Variants in PDE3B observed in about 807,000 individuals in gnomAD.
The protein encoded by PDE3B is phosphodiesterase 3B, also known as cGMP-inhibited 3',5'-cyclic phosphodiesterase 3B.
A neutral mutation model predicts 116.8 loss-of-function variants in PDE3B; 66 were observed. The observed-to-expected ratio is 0.56, with a 90% CI of 0.46 to 0.69. The LOEUF (loss-of-function observed/expected upper bound fraction) is 0.69. PDE3B is among the 30% of genes least tolerant of loss of function. The pLI is 0.00. For synonymous variants in PDE3B, 595 were observed against 533.6 expected (o/e 1.12, Z -1.59); for missense variants, 1,384 against 1,368.1 (o/e 1.01, Z -0.18).
intron 7 of PDE3B, among the ~76,000 whole-genome samples, chr11:14,829,606 C>T (rs1028858384): frequency 7.9e-5 from 12 of 151,918 alleles, no homozygotes; most frequent in Admixed American, 6.6e-5. Flanking sequence ...AACAGAAAAC[C>T]AAATACTGTC....
intron 1 of PDE3B, among the ~76,000 whole-genome samples, chr11:14,739,782 C>A (rs998703854): frequency 1.3e-5 from 2 of 152,054 alleles, no homozygotes; most frequent in African/African-American, 4.8e-5. Context: ...GTTCCATCGA[C>A]ACCTAGCTCA....
chr11:14,649,666 G>T (rs1360039546), intron 1 of PDE3B, among the ~76,000 whole-genome samples: 1 of 152,180 alleles, frequency 6.6e-6, no homozygotes, highest in Non-Finnish European at 1.5e-5. Flanking sequence ...AAATCCTATA[G>T]TTTGTAATGA....
chr11:14,864,849 G>A (rs1271927089), intron 14 of PDE3B, among the ~76,000 whole-genome samples: 1 of 152,084 alleles, frequency 6.6e-6, no homozygotes, highest in Non-Finnish European at 1.5e-5. Context: ...GTGTTTAGAG[G>A]GAAATTTATA....
the PDE3B span, chr11:14,878,231 A>G: frequency 1.9e-6 from 3 of 1,613,260 alleles, no homozygotes; most frequent in Admixed American, 3.3e-5. Context: ...AAACCTCTGA[A>G]GCAATGCTGT....
At chr11:14,824,952 C>T (rs1374668418) in intron 7 of PDE3B, among the ~76,000 whole-genome samples, 7 of 151,774 alleles carry the variant, frequency 4.6e-5, no homozygotes, top group African/African-American at 1.7e-4. Context: ...CCCTACAAGC[C>T]AGAAGAGCCT....
Position 14,858,866 on chromosome 11 carries a change from T to C in PDE3B, c.2521-177T>C, listed in dbSNP as rs185386076. The stretch of plus-strand genomic sequence containing the variant: ...AAGGTGTATCTTAACCTCTTTGTAC[T>C]TCAGTCTACTCATTTATAAAATTAT... On this transcript the variant is annotated intron_variant, in intron 12 of 15. Coordinates refer to ENST00000282096, the MANE Select transcript of PDE3B (RefSeq NM_000922.4). Among the ~76,000 whole-genome samples the C allele has an allele frequency of 1.1e-4, 17 of 152,330 alleles. No homozygotes were observed. The East Asian group carries it at 1.7e-3, about 16-fold the overall frequency.
chr11:14,708,980 T>A (rs141323812), intron 1 of PDE3B, among the ~76,000 whole-genome samples: 4 of 152,180 alleles, frequency 2.6e-5, no homozygotes, highest in Non-Finnish European at 5.9e-5. Context: ...AAAAATAATT[T>A]CAAAATGTAG....
Position 14,666,852 on chromosome 11 carries a change from C to T in PDE3B, c.978+21799C>T, listed in dbSNP as rs867333739. Among the ~76,000 whole-genome samples, 759 of 152,226 alleles carry T rather than the reference C, an allele frequency of 5.0e-3. 9 individuals carry two copies. Among genetic ancestry groups the T allele is most frequent in the African/African-American group, 0.018 (737 of 41,518 alleles). The stretch of plus-strand genomic sequence containing the variant: ...CTGTTGGTGGGACTGTAAACTAGTT[C>T]GACCATTGTGGAAGACAGTGTGGCA... On this transcript the variant is annotated intron_variant, in intron 1 of 15. Coordinates refer to ENST00000282096, the MANE Select transcript of PDE3B (RefSeq NM_000922.4).
At chr11:14,695,520 T>A (rs1173442229) in intron 1 of PDE3B, among the ~76,000 whole-genome samples, 1 of 152,050 alleles carries the variant, frequency 6.6e-6, no homozygotes, top group African/African-American at 2.4e-5. Context: ...AAAATAATTA[T>A]TTTATTTTTT....
At chr11:14,735,320 C>T (rs888940555) in intron 1 of PDE3B, among the ~76,000 whole-genome samples, 1 of 152,076 alleles carries the variant, frequency 6.6e-6, no homozygotes, top group South Asian at 2.1e-4. Context: ...AGAAATAAAA[C>T]CTTTGAATCT....
intron 1 of PDE3B, among the ~76,000 whole-genome samples, chr11:14,734,681 GTTA>G (rs1856549611): frequency 6.6e-6 from 1 of 152,058 alleles, no homozygotes; most frequent in Admixed American, 6.5e-5. Flanking sequence ...TTTTAAATGA[GTTA>G]TTATGAAAAA....
chr11:14,705,473 CTT>C (rs1855503161), intron 1 of PDE3B, among the ~76,000 whole-genome samples: 7 of 151,776 alleles, frequency 4.6e-5, no homozygotes, highest in African/African-American at 1.7e-4. Flanking sequence ...AGATCAGTGA[CTT>C]GGGGTAGTGG....
intron 12 of PDE3B, among the ~76,000 whole-genome samples, chr11:14,847,047 G>T (rs1303106876): frequency 6.6e-6 from 1 of 152,072 alleles, no homozygotes; most frequent in Admixed American, 6.6e-5. Context: ...ATTTTTTTCA[G>T]CACCAGACCA....
chr11:14,819,196 C>T lies in PDE3B; in HGVS notation c.1794C>T (p.Cys598=), dbSNP rs1250103383. Reference sequence around the variant, plus strand: ...CTGAATCAGATGGTACAGATTGCTGCAGTGGAAAATCAGGTGAGATTACAA... The same window carrying T: ...CTGAATCAGATGGTACAGATTGCTGTAGTGGAAAATCAGGTGAGATTACAA... The part of the protein sequence containing the change: ...STSESDGTDC[C]SGKSGEEENI... Residue 598 remains cysteine (C), a synonymous_variant, in exon 7 of 16, where the codon TGC becomes TGT. Coordinates refer to ENST00000282096, the MANE Select transcript of PDE3B (RefSeq NM_000922.4). The T allele has an allele frequency of 1.3e-6, 2 of 1,585,258 alleles. No homozygotes were observed. Among genetic ancestry groups the T allele is most frequent in the Non-Finnish European group, 1.7e-6 (2 of 1,160,106 alleles).
At chr11:14,665,957 A>T (rs1423712590) in intron 1 of PDE3B, among the ~76,000 whole-genome samples, 1 of 152,202 alleles carries the variant, frequency 6.6e-6, no homozygotes, top group Non-Finnish European at 1.5e-5. Flanking sequence ...GGAATGAAAA[A>T]AGAGCCCGCA....
intron 1 of PDE3B, among the ~76,000 whole-genome samples, chr11:14,733,392 A>G (rs1191889209): frequency 1.3e-5 from 2 of 151,544 alleles, no homozygotes; most frequent in African/African-American, 2.4e-5. Context: ...TTTACTCCCA[A>G]CCTCTCTTGT....
chr11:14,729,016 C>T (rs1201670783), intron 1 of PDE3B, among the ~76,000 whole-genome samples: 3 of 152,148 alleles, frequency 2.0e-5, no homozygotes, highest in Non-Finnish European at 4.4e-5. Context: ...CCGTGAACCA[C>T]CTTGTCTACT....
At chr11:14,742,558 A>G (rs1856802449) in intron 1 of PDE3B, among the ~76,000 whole-genome samples, 1 of 151,988 alleles carries the variant, frequency 6.6e-6, no homozygotes, top group African/African-American at 2.4e-5. Context: ...ATCGTTTGTT[A>G]TTACCCACCT....
intron 12 of PDE3B, among the ~76,000 whole-genome samples, chr11:14,854,156 A>C (rs1353249132): frequency 2.0e-5 from 3 of 152,208 alleles, no homozygotes; most frequent in Non-Finnish European, 4.4e-5. Context: ...AAAAGTACCC[A>C]GCACAGCTGG....
Sources: gnomAD v4.1 joint callset for allele counts (sites outside exome capture counted in the v4.1 genomes callset) on GRCh38, gnomAD v4.1.1 for gene constraint, MANE v1.5 for transcripts, NCBI Gene and HGNC (gene_info 2026-07-23, HGNC 2026-07-21) for gene names.